Variants in GABRA3 observed in about 807,000 individuals in gnomAD.
GABRA3 encodes the protein gamma-aminobutyric acid type A receptor subunit alpha3, also known as gamma-aminobutyric acid receptor subunit alpha-3.
A neutral mutation model predicts 30.1 loss-of-function variants in GABRA3; 10 were observed. The observed-to-expected ratio is 0.33, with a 90% CI of 0.20 to 0.56. The LOEUF (loss-of-function observed/expected upper bound fraction) is 0.56, where lower values mean the gene tolerates loss of function less well. Among genes scored for constraint, GABRA3 ranks in the 20% least tolerant of loss-of-function variants. The pLI is 0.89. For missense variants in GABRA3, 233 were observed against 392.0 expected (o/e 0.59, Z 3.42); for synonymous variants, 151 against 146.8 (o/e 1.03, Z -0.21).
rs941105715 is a variant in GABRA3, at chrX:152,403,696, CT to C, written c.-26-39101del. On this transcript the variant is annotated intron_variant, in intron 1 of 9. Coordinates refer to ENST00000370314, the MANE Select transcript of GABRA3 (RefSeq NM_000808.4). ...CCTGATATACTATACTTCTTAACCC[CT>C]GTCAGAATTTGCTGACTGGTAAGTT... is the stretch of plus-strand genomic sequence containing the variant. 2.7e-5 allele frequency among the ~76,000 whole-genome samples: 3 copies of C among 110,104 alleles called. No individual in the cohort carries two copies. In the Admixed American group the frequency reaches 2.9e-4, roughly 11 times the overall value.
intron 9 of GABRA3, among the ~76,000 whole-genome samples, chrX:152,174,950 T>C (rs1253425259): frequency 8.9e-6 from 1 of 112,083 alleles, no homozygotes; most frequent in Non-Finnish European, 1.9e-5. Flanking sequence ...CTTTAATCCA[T>C]CTTGAATTAA....
intron 1 of GABRA3, among the ~76,000 whole-genome samples, chrX:152,391,622 A>G (rs1929486885): frequency 9.0e-6 from 1 of 111,685 alleles, no homozygotes; most frequent in Non-Finnish European, 1.9e-5. Flanking sequence ...TGATACAGGT[A>G]CAGGTGGAAA....
chrX:152,188,639 T>C (rs1937285981), intron 9 of GABRA3, among the ~76,000 whole-genome samples: 1 of 111,821 alleles, frequency 8.9e-6, no homozygotes, highest in African/African-American at 3.2e-5. Context: ...ATTAAGGAAG[T>C]AGAACTACAC....
intron 1 of GABRA3, among the ~76,000 whole-genome samples, chrX:152,376,313 T>A (rs1370710133): frequency 9.0e-6 from 1 of 110,743 alleles, no homozygotes; most frequent in Non-Finnish European, 1.9e-5. Flanking sequence ...CACTTCCCAA[T>A]AAACTACCTT....
chrX:152,304,315 A>T (rs773019317), intron 3 of GABRA3, among the ~76,000 whole-genome samples: 2 of 111,863 alleles, frequency 1.8e-5, no homozygotes, highest in East Asian at 5.6e-4. Flanking sequence ...ATTAGATCCC[A>T]CTTGTCAATC....
chrX:152,364,051 T>C (rs1300474345), intron 2 of GABRA3, among the ~76,000 whole-genome samples: 8 of 111,187 alleles, frequency 7.2e-5, no homozygotes, highest in Non-Finnish European at 1.3e-4. Context: ...AGGCAGTATC[T>C]GGAGGGAAGA....
chrX:152,182,831 T>C (rs1937202482), intron 9 of GABRA3, among the ~76,000 whole-genome samples: 1 of 87,835 alleles, frequency 1.1e-5, no homozygotes, highest in African/African-American at 4.1e-5. Context: ...TATACATATA[T>C]ATAGTATATA....
intron 3 of GABRA3, among the ~76,000 whole-genome samples, chrX:152,301,489 T>C (rs1371046588): frequency 8.9e-6 from 1 of 112,050 alleles, no homozygotes; most frequent in Non-Finnish European, 1.9e-5. Context: ...TTTAAAATAG[T>C]TATGACTTGA....
At chrX:152,361,956 C>A (rs760575791) in intron 2 of GABRA3, among the ~76,000 whole-genome samples, 1 of 111,777 alleles carries the variant, frequency 8.9e-6, no homozygotes, top group Non-Finnish European at 1.9e-5. Flanking sequence ...TTATTTAGAA[C>A]CTTCATCTTA....
intron 9 of GABRA3, among the ~76,000 whole-genome samples, chrX:152,181,957 T>G (rs1279837320): frequency 1.8e-5 from 2 of 110,931 alleles, no homozygotes; most frequent in South Asian, 7.7e-4. Flanking sequence ...GTAGTGAGAG[T>G]GGACATACCT....
At chrX:152,416,761 A>C (rs1338464568) in intron 1 of GABRA3, among the ~76,000 whole-genome samples, 1 of 110,981 alleles carries the variant, frequency 9.0e-6, no homozygotes, top group Non-Finnish European at 1.9e-5. Context: ...CCTGAGAAAA[A>C]CAAGAAATGG....
intron 4 of GABRA3, among the ~76,000 whole-genome samples, chrX:152,281,345 G>A (rs1239612159): frequency 2.7e-5 from 3 of 111,058 alleles, no homozygotes; most frequent in African/African-American, 9.8e-5. Context: ...CTCAAATTGG[G>A]ATAGTCTTCT....
chrX:152,419,958 G>A (rs186318845), intron 1 of GABRA3, among the ~76,000 whole-genome samples: 1 of 111,054 alleles, frequency 9.0e-6, no homozygotes, highest in Admixed American at 9.6e-5. Flanking sequence ...AAGAATAAAA[G>A]GCTGGTTTAA....
intron 7 of GABRA3, among the ~76,000 whole-genome samples, 179 bp downstream of exon 7, chrX:152,207,822 A>G (rs767900673): frequency 3.6e-5 from 4 of 112,194 alleles, no homozygotes; most frequent in Non-Finnish European, 7.5e-5. Flanking sequence ...TCGTTTTGCC[A>G]TTGCATAACT....
chrX:152,391,145 G>C (rs754452159), intron 1 of GABRA3, among the ~76,000 whole-genome samples: 14 of 111,716 alleles, frequency 1.3e-4, no homozygotes, highest in African/African-American at 4.6e-4. Flanking sequence ...ATTCAGGATG[G>C]CAGAAGCACA....
intron 1 of GABRA3, among the ~76,000 whole-genome samples, chrX:152,370,664 T>G (rs1412822656): frequency 8.9e-6 from 1 of 111,770 alleles, no homozygotes; most frequent in Non-Finnish European, 1.9e-5. Context: ...CACTGTAAAC[T>G]ACAGGTCTAT....
rs1045272376 is a variant in GABRA3 at position 152,238,186 on chromosome X, A to C, written c.552-13341T>G. ...CATCCCATCAATACCTAATTTATTG[A>C]GAGTTTTTATCATGAAGGGTTGTTG... On this transcript the variant is annotated intron_variant, in intron 5 of 9. Coordinates refer to ENST00000370314, the MANE Select transcript of GABRA3 (RefSeq NM_000808.4). Among the ~76,000 whole-genome samples the C allele has an allele frequency of 8.6e-5, 9 of 104,697 alleles. No individual in the cohort carries two copies. In the Admixed American group the frequency reaches 9.1e-4, roughly 11 times the overall value. The allele number at this position is 104,697 out of a possible 115,157, so 90.9% of individuals were successfully genotyped here. A position where few individuals can be genotyped will look rare whatever the true frequency, so the allele number is the denominator to read the frequency against.
Position 152,279,847 on chromosome X carries a change from C to T in GABRA3, c.330+4821G>A, listed in dbSNP as rs756239894. Among the ~76,000 whole-genome samples, 3 of 111,052 alleles carry T rather than the reference C, an allele frequency of 2.7e-5. No individual in the cohort carries two copies. The Admixed American group carries it at 2.9e-4, about 11-fold the overall frequency. On this transcript the variant is annotated intron_variant, in intron 4 of 9. Coordinates refer to ENST00000370314, the MANE Select transcript of GABRA3 (RefSeq NM_000808.4). The stretch of plus-strand genomic sequence containing the variant: ...TTCACATCCCTTGCAAGTTGGATTC[C>T]TAGGTATTTTATTCTCTTTGAAGCA...
At chrX:152,274,901 T>C (rs892542122) in intron 4 of GABRA3, among the ~76,000 whole-genome samples, 2 of 105,765 alleles carry the variant, frequency 1.9e-5, no homozygotes, top group African/African-American at 6.9e-5. Flanking sequence ...ATCAAAAATT[T>C]TGATAAGTTT....
Sources: allele counts gnomAD v4.1 joint callset (sites outside exome capture counted in the v4.1 genomes callset), GRCh38; gene constraint gnomAD v4.1.1; transcripts MANE v1.5; gene names NCBI Gene and HGNC (gene_info 2026-07-23, HGNC 2026-07-21).